Variants in PPP1R21 observed in about 807,000 individuals in gnomAD.
PPP1R21 encodes KLRAQ motif containing 1.
In PPP1R21, 85 loss-of-function variants were observed where a neutral mutation model predicts 112.8. The ratio of observed to expected loss-of-function variants is 0.75; its 90% CI spans 0.63 to 0.90. The LOEUF (loss-of-function observed/expected upper bound fraction) is 0.90, where lower values mean the gene tolerates loss of function less well. Among genes scored for constraint, PPP1R21 ranks in the 40% least tolerant of loss-of-function variants. The pLI is 0.00. For missense variants in PPP1R21, 1,199 were observed against 901.5 expected, an observed-to-expected ratio of 1.33 and a Z score of -4.23; for synonymous variants, 381 against 322.3, an observed-to-expected ratio of 1.18 and a Z score of -1.95.
chr2:48,510,000 T>C lies in PPP1R21; in HGVS notation c.2086-15T>C. On this transcript the variant is annotated splice_polypyrimidine_tract_variant and intron_variant, in intron 19 of 21. Coordinates refer to ENST00000294952, the MANE Select transcript of PPP1R21 (RefSeq NM_001135629.3). ...AGTGCTCCCTCTAGTAATGGAATGTTTTCTGATTTTACAGTGCCGAGCACT... is the reference window on the plus strand; with the variant it reads ...AGTGCTCCCTCTAGTAATGGAATGTCTTCTGATTTTACAGTGCCGAGCACT... The C allele has an allele frequency of 6.4e-7, 1 of 1,573,544 alleles. No homozygotes were observed. The highest frequency in any genetic ancestry group is 8.6e-7 in the Non-Finnish European group (1 of 1,157,496).
At chr2:48,466,419 G>A (rs1361875982) in intron 9 of PPP1R21, among the ~76,000 whole-genome samples, 2 of 151,818 alleles carry the variant, frequency 1.3e-5, no homozygotes, top group Admixed American at 6.6e-5. Context: ...TAGAGCCAGG[G>A]TTTCGCCATG....
intron 7 of PPP1R21, among the ~76,000 whole-genome samples, chr2:48,463,061 A>T (rs1668044999): frequency 6.6e-6 from 1 of 152,184 alleles, no homozygotes; most frequent in African/African-American, 2.4e-5. Context: ...TTGTTGTTTA[A>T]TCTTCTGACA....
chr2:48,478,764 T>C (rs959763152), intron 12 of PPP1R21, among the ~76,000 whole-genome samples: 1 of 152,224 alleles, frequency 6.6e-6, no homozygotes, highest in African/African-American at 2.4e-5. Context: ...GTTTAACTTA[T>C]ATCGCTAATC....
At chr2:48,447,513 T>C (rs940135563) in intron 1 of PPP1R21, among the ~76,000 whole-genome samples, 3 of 152,190 alleles carry the variant, frequency 2.0e-5, no homozygotes, top group Non-Finnish European at 4.4e-5. Flanking sequence ...CTCAGTTATG[T>C]CATATGCATT....
chr2:48,490,997 T>C, intron 14 of PPP1R21, 21 bp from the exon 15 acceptor site: 1 of 1,608,142 alleles, frequency 6.2e-7, no homozygotes, highest in Non-Finnish European at 8.5e-7. Context: ...AAAATCTATT[T>C]CCTTGTCATA....
Position 48,498,682 on chromosome 2 carries a change from C to G in PPP1R21, c.1882C>G (p.Gln628Glu). ...TGCTGCTGTGTCAAATACTGCTGGCCAGGATGAAGCCACAGCTAAGGCTGT... is the reference window on the plus strand; with the variant it reads ...TGCTGCTGTGTCAAATACTGCTGGCGAGGATGAAGCCACAGCTAAGGCTGT... ...ENAAVSNTAG[Q>E]DEATAKAVLE... is the part of the protein sequence containing the mutation. The change falls in exon 17 of 22, where the codon CAG (glutamine) becomes GAG (glutamate). Residue 628 changes from glutamine (Q) to glutamate (E), a missense_variant. Transcript: ENST00000294952. 5 of 1,614,158 alleles carry G rather than the reference C, an allele frequency of 3.1e-6. No individual in the cohort carries two copies. The highest frequency in any genetic ancestry group is 4.2e-6 in the Non-Finnish European group (5 of 1,180,024).
Position 48,460,144 on chromosome 2 carries a change from C to T in PPP1R21, c.590C>T (p.Thr197Met), listed in dbSNP as rs765821775. 155 of 1,613,944 alleles carry T rather than the reference C, an allele frequency of 9.6e-5. No individual in the cohort carries two copies. Among genetic ancestry groups the T allele is most frequent in the Admixed American group, 6.8e-4 (41 of 60,002 alleles). The change falls in exon 6 of 22, where the codon ACG (threonine) becomes ATG (methionine). Residue 197 changes from threonine to methionine, a missense_variant. Physicochemically the swap from Thr to Met is moderately conservative, Grantham distance 81. Transcript: ENST00000294952. ...EKEAKECRLRTEECQLQLKTL... is the reference protein window; with the variant it reads ...EKEAKECRLRMEECQLQLKTL... ...GAAGCCAAGGAATGTCGACTTCGAA[C>T]GGAAGAATGGTATGTGGAAACTTGA... is the stretch of plus-strand genomic sequence containing the variant.
rs943116743 is a variant in PPP1R21 at position 48,515,015 on chromosome 2, C to G, written c.*271C>G. ...TTCCTTATGCTGTTTTTACTGTGCA[C>G]TTTTTAAAATTAGGTTTTAATTTCA... is the stretch of plus-strand genomic sequence containing the variant. On this transcript the variant is annotated 3_prime_UTR_variant, in exon 22 of 22. Transcript: ENST00000294952. 13 of 403,772 alleles carry G rather than the reference C, an allele frequency of 3.2e-5. No individual in the cohort carries two copies. Among genetic ancestry groups the G allele is most frequent in the East Asian group, 2.8e-4 (7 of 24,700 alleles). 25.0% of individuals were successfully genotyped at this position (403,772 alleles called of 1,614,324 possible).
At chr2:48,468,861 GTATATATGTA>G (rs1668326567) in intron 9 of PPP1R21, among the ~76,000 whole-genome samples, 1 of 150,148 alleles carries the variant, frequency 6.7e-6, no homozygotes. Context: ...GTGTGTGTAT[GTATATATGTA>G]TGTGTGTATA....
intron 12 of PPP1R21, among the ~76,000 whole-genome samples, chr2:48,475,661 G>A (rs1475192329): frequency 1.3e-5 from 2 of 151,952 alleles, no homozygotes. Flanking sequence ...CAGCCTGACC[G>A]ACATGGAGAA....
intron 13 of PPP1R21, among the ~76,000 whole-genome samples, chr2:48,484,534 C>G (rs76837214): frequency 3.3e-5 from 2 of 59,970 alleles, no homozygotes; most frequent in Non-Finnish European, 6.8e-5. Flanking sequence ...TTTTTTTTTT[C>G]TGGACTGATT....
At chr2:48,450,929 C>A in intron 1 of PPP1R21, 79 bp from the exon 2 acceptor site, 2 of 1,147,806 alleles carry the variant, frequency 1.7e-6, no homozygotes, top group Non-Finnish European at 2.6e-6. Context: ...TGTAATGATG[C>A]CTGTAAAATT....
At chr2:48,499,030 C>T (rs1024123064) in intron 17 of PPP1R21, among the ~76,000 whole-genome samples, 2 of 151,096 alleles carry the variant, frequency 1.3e-5, no homozygotes, top group African/African-American at 4.9e-5. Flanking sequence ...TCTCTGGGGT[C>T]TCTTTTGTAA....
rs775775393 is a variant in PPP1R21, at chr2:48,471,249, T to C, written c.1000-30T>C. ...GAGCTCCTCTTTGTCCAGTAGCACT[T>C]TTAACCTTGAAATTATTTTTCTTTT... On this transcript the variant is annotated intron_variant, in intron 10 of 21. Coordinates refer to ENST00000294952, the MANE Select transcript of PPP1R21 (RefSeq NM_001135629.3). 4.4e-6 allele frequency: 7 copies of C among 1,608,948 alleles called. No individual in the cohort carries two copies. In the East Asian group the frequency reaches 1.3e-4, roughly 31 times the overall value.
chr2:48,447,380 A>T (rs555861262), intron 1 of PPP1R21, among the ~76,000 whole-genome samples: 3 of 152,280 alleles, frequency 2.0e-5, no homozygotes, highest in East Asian at 1.9e-4. Flanking sequence ...ATTAAGAGGG[A>T]TTCAGAGGTA....
At chr2:48,463,994 C>CGGCA (rs1668094744) in intron 7 of PPP1R21, among the ~76,000 whole-genome samples, 1 of 152,014 alleles carries the variant, frequency 6.6e-6, no homozygotes. Flanking sequence ...AATAGGCACA[C>CGGCA]GGCAATGAAA....
At chr2:48,489,666 A>C (rs925305952) in intron 14 of PPP1R21, among the ~76,000 whole-genome samples, 2 of 152,004 alleles carry the variant, frequency 1.3e-5, no homozygotes, top group Non-Finnish European at 2.9e-5. Flanking sequence ...AAGAAACTGC[A>C]CTTTGGGCTG....
At chr2:48,446,556 C>T (rs932081431) in intron 1 of PPP1R21, among the ~76,000 whole-genome samples, 5 of 151,918 alleles carry the variant, frequency 3.3e-5, no homozygotes, top group African/African-American at 7.3e-5. Flanking sequence ...ATTTAAACAC[C>T]TTTATATGTA....
intron 15 of PPP1R21, among the ~76,000 whole-genome samples, chr2:48,494,616 A>C (rs988267656): frequency 2.6e-5 from 4 of 151,908 alleles, no homozygotes; most frequent in African/African-American, 9.7e-5. Context: ...GGGTTTCACC[A>C]TGTTGGTCAG....
Sources: allele counts gnomAD v4.1 joint callset (sites outside exome capture counted in the v4.1 genomes callset), GRCh38; gene constraint gnomAD v4.1.1; transcripts MANE v1.5; gene names NCBI Gene and HGNC (gene_info 2026-07-23, HGNC 2026-07-21).